Variants in EPB41L5 observed in about 807,000 individuals in gnomAD.
The protein encoded by EPB41L5 is erythrocyte membrane protein band 4.1 like 5.
In EPB41L5, 55 loss-of-function variants were observed where a neutral mutation model predicts 106.6. The observed-to-expected ratio is 0.52, with a 90% confidence interval of 0.42 to 0.65. The LOEUF (loss-of-function observed/expected upper bound fraction) is 0.65, where lower values mean the gene tolerates loss of function less well. EPB41L5 is among the 30% of genes least tolerant of loss of function. The pLI, the probability that EPB41L5 is intolerant of heterozygous loss-of-function variation, is 0.00. For missense variants in EPB41L5, 871 were observed against 882.1 expected (o/e 0.99, Z 0.16); for synonymous variants, 297 against 306.7 (o/e 0.97, Z 0.33).
At chr2:120,171,306 G>A (rs1262756460) in intron 24 of EPB41L5, among the ~76,000 whole-genome samples, 2 of 152,232 alleles carry the variant, frequency 1.3e-5, no homozygotes, top group African/African-American at 4.8e-5. Context: ...CAACGAAATT[G>A]TAGGTACCAG....
intron 3 of EPB41L5, among the ~76,000 whole-genome samples, chr2:120,056,686 T>TC (rs397766752): frequency 1.3e-5 from 2 of 151,228 alleles, no homozygotes; most frequent in African/African-American, 4.9e-5. Flanking sequence ...TTTTTTTTTT[T>TC]CTGGTTTGGG....
intron 10 of EPB41L5, among the ~76,000 whole-genome samples, chr2:120,080,605 T>A (rs1171532754): frequency 1.3e-5 from 2 of 152,242 alleles, no homozygotes; most frequent in Non-Finnish European, 2.9e-5. Context: ...TGATTTATAA[T>A]CCTTTGGGTA....
chr2:120,082,492 C>G (rs567770881), intron 10 of EPB41L5, among the ~76,000 whole-genome samples: 2 of 152,090 alleles, frequency 1.3e-5, no homozygotes, highest in East Asian at 3.9e-4. Flanking sequence ...TTGATGTGCT[C>G]CTGGATTCGG....
At chr2:120,125,675 G>A in intron 16 of EPB41L5, among the ~76,000 whole-genome samples, 1 of 152,102 alleles carries the variant, frequency 6.6e-6, no homozygotes, top group East Asian at 1.9e-4. Context: ...TTAGTCCTTT[G>A]AATTCTCTCA....
At chr2:120,117,492 C>T (rs1280004764) in intron 16 of EPB41L5, among the ~76,000 whole-genome samples, 1 of 152,154 alleles carries the variant, frequency 6.6e-6, no homozygotes, top group African/African-American at 2.4e-5. Flanking sequence ...TATTGCCTGA[C>T]TCTCCTTCAT....
intron 20 of EPB41L5, among the ~76,000 whole-genome samples, chr2:120,148,154 CTTTT>C (rs34118293): frequency 1.5e-4 from 22 of 151,640 alleles, no homozygotes; most frequent in African/African-American, 4.4e-4. Context: ...ATTTTTCTTT[CTTTT>C]TTTTACTGAC....
chr2:120,133,888 CT>C (rs1449111422), intron 18 of EPB41L5, among the ~76,000 whole-genome samples: 1 of 152,142 alleles, frequency 6.6e-6, no homozygotes, highest in Non-Finnish European at 1.5e-5. Flanking sequence ...GTAAAGAAGA[CT>C]TTGTCTTGTA....
chr2:120,134,565 G>T (rs931734740), intron 18 of EPB41L5, among the ~76,000 whole-genome samples: 1 of 152,150 alleles, frequency 6.6e-6, no homozygotes, highest in African/African-American at 2.4e-5. Context: ...TGCTTGTGTC[G>T]TTCCTCCCCC....
intron 20 of EPB41L5, among the ~76,000 whole-genome samples, chr2:120,149,453 C>T (rs1686570821): frequency 1.3e-5 from 2 of 152,182 alleles, no homozygotes. Context: ...ATTTACCTAT[C>T]TGGACATTTC....
At chr2:120,030,061 T>C (rs1307188611) in intron 2 of EPB41L5, among the ~76,000 whole-genome samples, 1 of 152,260 alleles carries the variant, frequency 6.6e-6, no homozygotes, top group Non-Finnish European at 1.5e-5. Context: ...AAATCAGACC[T>C]AATTAAGTCC....
intron 18 of EPB41L5, among the ~76,000 whole-genome samples, chr2:120,136,491 A>G (rs1190785638): frequency 4.0e-5 from 6 of 151,044 alleles, no homozygotes; most frequent in African/African-American, 1.5e-4. Context: ...AAAGCCCCCA[A>G]TGATCAGCTG....
At chr2:120,171,822 A>G (rs1178769963) in intron 24 of EPB41L5, among the ~76,000 whole-genome samples, 3 of 152,198 alleles carry the variant, frequency 2.0e-5, no homozygotes, top group Non-Finnish European at 4.4e-5. Context: ...AGAGCTAACG[A>G]TTGTCAGATA....
chr2:120,031,212 A>G (rs2105170367), intron 2 of EPB41L5, among the ~76,000 whole-genome samples: 1 of 152,340 alleles, frequency 6.6e-6, no homozygotes, highest in East Asian at 1.9e-4. Flanking sequence ...CCTAATGCTC[A>G]GGCTGATTTG....
chr2:120,144,834 T>G (rs1421931821), intron 19 of EPB41L5, among the ~76,000 whole-genome samples: 1 of 152,246 alleles, frequency 6.6e-6, no homozygotes, highest in Non-Finnish European at 1.5e-5. Flanking sequence ...AGGGTTTATC[T>G]TGGGGAAAAT....
Position 120,070,425 on chromosome 2 carries a change from C to T in EPB41L5, c.286-2753C>T, listed in dbSNP as rs140387755. 9.5e-3 allele frequency among the ~76,000 whole-genome samples: 1,454 copies of T among 152,280 alleles called. 22 individuals carry two copies. Among genetic ancestry groups the T allele is most frequent in the Middle Eastern group, 0.034 (10 of 294 alleles). ...GTACAAAGAGGAGCTGGTACCATTC[C>T]TTCTGAAACTATTACAAACAATAGG... is the stretch of plus-strand genomic sequence containing the variant. On this transcript the variant is annotated intron_variant, in intron 3 of 24. Coordinates refer to ENST00000263713, the MANE Select transcript of EPB41L5 (RefSeq NM_020909.4).
At chr2:120,168,246 T>TTA in intron 24 of EPB41L5, among the ~76,000 whole-genome samples, 1 of 152,354 alleles carries the variant, frequency 6.6e-6, no homozygotes, top group South Asian at 2.1e-4. Flanking sequence ...GTTAACAGGC[T>TTA]TATCTTTGTA....
Position 120,125,396 on chromosome 2 carries a change from A to G in EPB41L5, c.1338-2292A>G, listed in dbSNP as rs535549953. Among the ~76,000 whole-genome samples the G allele has an allele frequency of 4.6e-5, 7 of 152,226 alleles. No homozygotes were observed. In the Middle Eastern group the frequency reaches 0.017, roughly 370 times the overall value. ...GCAACTTACTGAGTTTGGACCTCTC[A>G]TTGCTAAGGGAGGCACTTAGCTCAT... On this transcript the variant is annotated intron_variant, in intron 16 of 24. Transcript: ENST00000263713.
intron 13 of EPB41L5, among the ~76,000 whole-genome samples, 166 bp from the exon 14 acceptor site, chr2:120,093,083 C>G (rs182979647): frequency 6.6e-6 from 1 of 152,194 alleles, no homozygotes; most frequent in African/African-American, 2.4e-5. Context: ...GTAGTGAGAC[C>G]CACCCCTATC....
chr2:120,067,594 G>A (rs1681531291), intron 3 of EPB41L5, among the ~76,000 whole-genome samples: 1 of 152,184 alleles, frequency 6.6e-6, no homozygotes. Context: ...TTGTGTCATG[G>A]ACATTTCGAA....
Sources: gnomAD v4.1 joint callset for allele counts (sites outside exome capture counted in the v4.1 genomes callset) on GRCh38, gnomAD v4.1.1 for gene constraint, MANE v1.5 for transcripts, NCBI Gene and HGNC (gene_info 2026-07-23, HGNC 2026-07-21) for gene names.